GABPB1: variants seen among roughly 807,000 people sequenced by gnomAD.
GABPB1 encodes the protein GA-binding protein subunit beta-1.
Under a neutral mutation model 45.9 loss-of-function variants are expected in GABPB1, and 15 were observed. The ratio of observed to expected loss-of-function variants is 0.33; its 90% confidence interval spans 0.22 to 0.50. The LOEUF (loss-of-function observed/expected upper bound fraction) is 0.50, where lower values mean the gene tolerates loss of function less well. Ranked by LOEUF, GABPB1 falls within the 20% of genes least tolerant of loss-of-function variation. The pLI, the probability that GABPB1 is intolerant of heterozygous loss-of-function variation, is 0.98. For synonymous variants in GABPB1, 143 were observed against 154.4 expected (o/e 0.93, Z 0.55); for missense variants, 252 against 457.5 (o/e 0.55, Z 4.10).
In GABPB1 at chr15:50,324,540, CT is replaced by C. The variant is rs575280667; in HGVS notation, c.1-14743del. The stretch of plus-strand genomic sequence containing the variant: ...CTGAATGCTCCCAATGTCTCCGTGG[CT>C]TTTTTTTTTTTTTTTTTTTTTGAGA... On this transcript the variant is annotated intron_variant, in intron 1 of 8. Transcript: ENST00000380877. 6.7e-3 allele frequency among the ~76,000 whole-genome samples: 760 copies of C among 114,212 alleles called. 2 individuals are homozygous for C. Among genetic ancestry groups the C allele is most frequent in the East Asian group, 0.011 (37 of 3,462 alleles). 74.9% of individuals were successfully genotyped at this position (114,212 alleles called of 152,430 possible). A position where few individuals can be genotyped will look rare whatever the true frequency, so the allele number is the denominator to read the frequency against.
intron 8 of GABPB1, among the ~76,000 whole-genome samples, chr15:50,283,491 T>C (rs1441575400): frequency 1.3e-5 from 2 of 151,932 alleles, no homozygotes; most frequent in African/African-American, 4.8e-5. Context: ...GTTGGGAAAC[T>C]GTAAACATAA....
At chr15:50,340,690 TTG>T (rs2048326852) in intron 1 of GABPB1, among the ~76,000 whole-genome samples, 2 of 152,214 alleles carry the variant, frequency 1.3e-5, no homozygotes, top group East Asian at 1.9e-4. Context: ...TATGCTATTA[TTG>T]TGTTTTAATA....
At chr15:50,346,084 A>G (rs904311960) in intron 1 of GABPB1, among the ~76,000 whole-genome samples, 1 of 152,184 alleles carries the variant, frequency 6.6e-6, no homozygotes, top group African/African-American at 2.4e-5. Flanking sequence ...AGAGAGGTAA[A>G]GTTAACTGTG....
At chr15:50,294,290 T>C (rs2046440854) in intron 6 of GABPB1, among the ~76,000 whole-genome samples, 1 of 152,094 alleles carries the variant, frequency 6.6e-6, no homozygotes. Context: ...CCAAGGCAGG[T>C]GGATCACAAG....
At position 50,292,992 on chromosome 15, in the gene GABPB1, TA is replaced by T. The variant is rs72023851; in HGVS notation, c.698-3325del. ...TGTGGGTTTGAAAACTGTCTACATA[TA>T]AAAAAAAAATTATAACTAGTTCAAA... On this transcript the variant is annotated intron_variant, in intron 6 of 8. Coordinates refer to ENST00000380877, the MANE Select transcript of GABPB1 (RefSeq NM_016654.5). Among the ~76,000 whole-genome samples, 1,432 of 149,510 alleles carry T rather than the reference TA, an allele frequency of 9.6e-3. 8 individuals carry two copies. Among genetic ancestry groups the T allele is most frequent in the Middle Eastern group, 0.031 (9 of 292 alleles).
chr15:50,316,119 TAAC>T (rs1388823267), intron 1 of GABPB1, among the ~76,000 whole-genome samples: 2 of 152,210 alleles, frequency 1.3e-5, no homozygotes, highest in African/African-American at 2.4e-5. Context: ...TCATTTAGTT[TAAC>T]AACAAAAATA....
chr15:50,320,444 A>G (rs2047522374), intron 1 of GABPB1, among the ~76,000 whole-genome samples: 1 of 152,248 alleles, frequency 6.6e-6, no homozygotes, highest in Non-Finnish European at 1.5e-5. Context: ...CTGGGATTAC[A>G]GGCGTGAGCC....
intron 1 of GABPB1, among the ~76,000 whole-genome samples, chr15:50,337,468 C>T (rs1291055596): frequency 6.6e-6 from 1 of 151,844 alleles, no homozygotes; most frequent in Non-Finnish European, 1.5e-5. Flanking sequence ...GAATCTCAAG[C>T]AAAAAGTACT....
intron 6 of GABPB1, among the ~76,000 whole-genome samples, chr15:50,292,799 T>C (rs1190092443): frequency 6.6e-6 from 1 of 152,078 alleles, no homozygotes; most frequent in African/African-American, 2.4e-5. Flanking sequence ...AGTATCATGA[T>C]GTCTCCAGCC....
chr15:50,337,254 G>A lies in GABPB1; in HGVS notation c.-1+17731C>T, dbSNP rs1483771817. ...ACAGTGGCTAAAGAGGTAAGCACAC[G>A]TTGGAGGTGACAGAACAGCAAGTTT... On this transcript the variant is annotated intron_variant, in intron 1 of 8. Coordinates refer to ENST00000380877, the MANE Select transcript of GABPB1 (RefSeq NM_016654.5). 2.6e-5 allele frequency among the ~76,000 whole-genome samples: 4 copies of A among 151,136 alleles called. No homozygotes were observed. The South Asian group carries it at 6.3e-4, about 24-fold the overall frequency.
At chr15:50,282,475 G>C (rs531234263) in intron 8 of GABPB1, 1 of 312,588 alleles carries the variant, frequency 3.2e-6, no homozygotes, top group Non-Finnish European at 6.2e-6. Flanking sequence ...GCTTGCTTGA[G>C]CCCAGGAGTT....
intron 6 of GABPB1, among the ~76,000 whole-genome samples, chr15:50,297,566 C>T (rs970179672): frequency 6.6e-6 from 1 of 152,024 alleles, no homozygotes; most frequent in African/African-American, 2.4e-5. Flanking sequence ...CACTATGGGC[C>T]GGGTGCAGTG....
chr15:50,346,006 C>T (rs1365672268), intron 1 of GABPB1, among the ~76,000 whole-genome samples: 2 of 152,074 alleles, frequency 1.3e-5, no homozygotes, highest in African/African-American at 4.8e-5. Context: ...CCACCACGCC[C>T]GGTGAGAAGT....
Position 50,301,251 on chromosome 15 carries a change from C to A in GABPB1, c.583+6G>T, listed in dbSNP as rs143987424. The A allele has an allele frequency of 2.5e-6, 4 of 1,613,974 alleles. No individual in the cohort carries two copies. The highest frequency in any genetic ancestry group is 3.4e-6 in the Non-Finnish European group (4 of 1,179,926). On this transcript the variant is annotated splice_donor_region_variant and intron_variant, in intron 5 of 8. Transcript: ENST00000380877. ...GCCTTGGATGAATTTTCTGAAGATACCAGACCTGTTAGGTTCACCACCCCT... is the reference window on the plus strand; with the variant it reads ...GCCTTGGATGAATTTTCTGAAGATAACAGACCTGTTAGGTTCACCACCCCT...
intron 8 of GABPB1, among the ~76,000 whole-genome samples, chr15:50,281,425 A>C (rs528756962): frequency 7.2e-5 from 11 of 152,198 alleles, no homozygotes; most frequent in Admixed American, 2.0e-4. Flanking sequence ...GTTAGCCAGG[A>C]TGGTCTCAAT....
chr15:50,344,199 T>G (rs2141168389), intron 1 of GABPB1, among the ~76,000 whole-genome samples: 1 of 152,350 alleles, frequency 6.6e-6, no homozygotes, highest in Admixed American at 6.5e-5. Flanking sequence ...CTTGATAATG[T>G]TAAACAGTAA....
chr15:50,310,152 G>A lies in GABPB1; in HGVS notation c.1-354C>T, dbSNP rs184860036. ...CTGTCACCCAGGCTGGAGTGCAGTG[G>A]CACGATGTTGGCTCACTGCAACCTC... On this transcript the variant is annotated intron_variant, in intron 1 of 8. Transcript: ENST00000380877. Among the ~76,000 whole-genome samples, 147 of 152,318 alleles carry A rather than the reference G, an allele frequency of 9.7e-4. 1 individual carries two copies. Among genetic ancestry groups the A allele is most frequent in the Admixed American group, 3.5e-3 (54 of 15,304 alleles).
intron 1 of GABPB1, among the ~76,000 whole-genome samples, chr15:50,331,968 G>A (rs977694721): frequency 6.6e-6 from 1 of 151,526 alleles, no homozygotes; most frequent in Non-Finnish European, 1.5e-5. Flanking sequence ...TCCACCTCCT[G>A]GGTTCAAGCG....
At chr15:50,317,404 CAA>C (rs1387965964) in intron 1 of GABPB1, among the ~76,000 whole-genome samples, 1 of 65,180 alleles carries the variant, frequency 1.5e-5, no homozygotes. Context: ...AACTCCGTCT[CAA>C]AAAAAAAAAA....
Sources: gnomAD v4.1 joint callset for allele counts (sites outside exome capture counted in the v4.1 genomes callset) on GRCh38, gnomAD v4.1.1 for gene constraint, MANE v1.5 for transcripts, NCBI Gene and HGNC (gene_info 2026-07-23, HGNC 2026-07-21) for gene names.